The following UPP2 variants were observed in gnomAD, a reference collection of about 807,000 sequenced individuals.
UPP2 encodes UPase 2.
UPP2 carries 23 observed loss-of-function variants against 26.7 expected under a neutral mutation model. That is an observed-to-expected ratio of 0.86 (90% CI 0.62 to 1.22). The LOEUF is 1.22. UPP2 is among the 50% of genes most tolerant of loss of function. The probability of loss-of-function intolerance (pLI) is 0.00; values close to 1 mark genes in which losing one functional copy is unlikely to be tolerated. For missense variants in UPP2, 387 were observed against 396.7 expected, an observed-to-expected ratio of 0.98 and a Z score of 0.21; for synonymous variants, 127 against 141.3, an observed-to-expected ratio of 0.90 and a Z score of 0.72.
rs997824774 is a variant in UPP2, at chr2:158,063,409, T to A, written c.148-38631T>A. ...TTTGAATAAGTAAAAGAATCAGGAT[T>A]ATACCTTGTAGTATAACTTTGATGT... On this transcript the variant is annotated intron_variant, in intron 3 of 9. Coordinates refer to the UPP2 transcript ENST00000605860. 3.3e-5 allele frequency among the ~76,000 whole-genome samples: 5 copies of A among 152,316 alleles called. No homozygotes were observed. In the East Asian group the frequency reaches 9.7e-4, roughly 29 times the overall value.
Position 158,121,455 on chromosome 2 carries a change from C to T in UPP2, c.501C>T (p.Ser167=). 6.2e-7 allele frequency: 1 copy of T among 1,613,528 alleles called. No individual in the cohort carries two copies. The highest frequency in any genetic ancestry group is 8.5e-7 in the Non-Finnish European group (1 of 1,179,504). Reference sequence around the variant, plus strand: ...TAATAACGGATATAGCTGTAGACTCCTTCTTTAAGCCCCGGTTTGAACAGG... The same window carrying T: ...TAATAACGGATATAGCTGTAGACTCTTTCTTTAAGCCCCGGTTTGAACAGG... ...TVVITDIAVD[S]FFKPRFEQVI... The change falls in exon 5 of 7, where the codon TCC becomes TCT. Residue 167 remains serine (S), a synonymous_variant. Coordinates refer to ENST00000005756, the MANE Select transcript of UPP2 (RefSeq NM_173355.4).
intron 3 of UPP2, among the ~76,000 whole-genome samples, chr2:158,063,930 T>A (rs1265888255): frequency 6.6e-6 from 1 of 152,244 alleles, no homozygotes; most frequent in Non-Finnish European, 1.5e-5. Flanking sequence ...ATAAACTCAT[T>A]CTTTTGTATG....
intron 3 of UPP2, among the ~76,000 whole-genome samples, chr2:158,070,570 T>A (rs1682522163): frequency 6.6e-6 from 1 of 152,244 alleles, no homozygotes; most frequent in African/African-American, 2.4e-5. Flanking sequence ...GCTGGCATTT[T>A]TCACTAAAAA....
intron 3 of UPP2, among the ~76,000 whole-genome samples, chr2:158,047,619 A>G (rs563281991): frequency 1.3e-5 from 2 of 152,330 alleles, no homozygotes; most frequent in Admixed American, 1.3e-4. Context: ...CCTTAGTGTC[A>G]TATGTCAAAA....
intron 2 of UPP2, among the ~76,000 whole-genome samples, chr2:158,012,508 T>A (rs1400379701): frequency 1.3e-5 from 2 of 151,984 alleles, no homozygotes; most frequent in Non-Finnish European, 2.9e-5. Context: ...CCTCAAGTGA[T>A]CCACCCACCT....
intron 2 of UPP2, among the ~76,000 whole-genome samples, chr2:158,013,877 C>T (rs557137523): frequency 1.0e-3 from 152 of 152,290 alleles, no homozygotes; most frequent in Admixed American, 3.3e-3. Flanking sequence ...CTTGTGTTTA[C>T]GTAGGAAAAT....
chr2:158,130,700 A>G (rs2105234500), intron 6 of UPP2, among the ~76,000 whole-genome samples: 1 of 152,322 alleles, frequency 6.6e-6, no homozygotes, highest in Middle Eastern at 3.4e-3. Context: ...CCAGGTATGT[A>G]TATTTGTGGT....
intron 1 of UPP2, among the ~76,000 whole-genome samples, chr2:158,105,096 A>G (rs973109093): frequency 6.7e-6 from 1 of 148,966 alleles, no homozygotes; most frequent in Non-Finnish European, 1.5e-5. Context: ...GAAGTCTCAG[A>G]CAGTTCTTGG....
chr2:158,021,024 C>A, intron 3 of UPP2, among the ~76,000 whole-genome samples: 1 of 152,246 alleles, frequency 6.6e-6, no homozygotes, highest in East Asian at 1.9e-4. Context: ...ATGGTCTCAG[C>A]CTTTATTGGG....
chr2:158,102,040 G>A lies in UPP2; in HGVS notation c.-24G>A. 6.3e-7 allele frequency: 1 copy of A among 1,583,608 alleles called. No individual in the cohort carries two copies. The highest frequency in any genetic ancestry group is 8.5e-7 in the Non-Finnish European group (1 of 1,175,412). On this transcript the variant is annotated 5_prime_UTR_variant, in exon 1 of 7. It adds an upstream start codon to the 5' untranslated region. Coordinates refer to ENST00000005756, the MANE Select transcript of UPP2 (RefSeq NM_173355.4). Reference sequence around the variant, plus strand: ...CTCTCTTTCTTGACATCAATTTAAGGTGACTTTTCACATAGTAGAGAGAAT... The same window carrying A: ...CTCTCTTTCTTGACATCAATTTAAGATGACTTTTCACATAGTAGAGAGAAT...
intron 2 of UPP2, among the ~76,000 whole-genome samples, chr2:158,107,183 T>A (rs114801927): frequency 0.024 from 3,694 of 152,332 alleles, 121 homozygotes; most frequent in African/African-American, 0.076. Flanking sequence ...ACTGAATTTT[T>A]AAAGAACTTT....
At chr2:158,118,044 T>A in intron 4 of UPP2, 106 bp downstream of exon 4, 1 of 910,504 alleles carries the variant, frequency 1.1e-6, no homozygotes, top group Non-Finnish European at 1.7e-6. Context: ...CCAGATGGGC[T>A]AAAAAGTGTC....
At chr2:158,049,312 G>C (rs1194873307) in intron 3 of UPP2, among the ~76,000 whole-genome samples, 2 of 152,218 alleles carry the variant, frequency 1.3e-5, no homozygotes, top group African/African-American at 2.4e-5. Flanking sequence ...GTGTGCATCT[G>C]TCAGTGGCAT....
At chr2:158,074,239 T>C (rs147022771) in intron 3 of UPP2, among the ~76,000 whole-genome samples, 1 of 152,074 alleles carries the variant, frequency 6.6e-6, no homozygotes, top group Non-Finnish European at 1.5e-5. Context: ...GATAGAAAAC[T>C]CACTGGTAAT....
At chr2:158,042,051 G>T (rs1684088950) in intron 3 of UPP2, among the ~76,000 whole-genome samples, 1 of 152,184 alleles carries the variant, frequency 6.6e-6, no homozygotes, top group African/African-American at 2.4e-5. Context: ...TTTCTTCAGT[G>T]AATTAGGGGT....
At chr2:158,108,339 C>T (rs1167641474) in intron 2 of UPP2, among the ~76,000 whole-genome samples, 1 of 152,036 alleles carries the variant, frequency 6.6e-6, no homozygotes, top group Admixed American at 6.5e-5. Context: ...ATATGTTTGT[C>T]TGTAATAGGC....
intron 2 of UPP2, among the ~76,000 whole-genome samples, chr2:158,108,151 A>C (rs1009372462): frequency 1.3e-5 from 2 of 152,190 alleles, no homozygotes; most frequent in Non-Finnish European, 1.5e-5. Context: ...GTGATTTGCT[A>C]TCTACATATC....
intron 3 of UPP2, among the ~76,000 whole-genome samples, chr2:158,053,060 C>G (rs974478649): frequency 6.6e-6 from 1 of 152,116 alleles, no homozygotes; most frequent in Non-Finnish European, 1.5e-5. Flanking sequence ...AAAGGAGGTG[C>G]CCCTGGAACC....
chr2:158,068,519 A>G (rs1574272903), intron 3 of UPP2, among the ~76,000 whole-genome samples: 2 of 151,666 alleles, frequency 1.3e-5, no homozygotes, highest in East Asian at 3.9e-4. Flanking sequence ...TTTATGTATT[A>G]CCTCCCCCGC....
Sources: allele counts gnomAD v4.1 joint callset (sites outside exome capture counted in the v4.1 genomes callset), GRCh38; gene constraint gnomAD v4.1.1; transcripts MANE v1.5; gene names NCBI Gene and HGNC (gene_info 2026-07-23, HGNC 2026-07-21).